EDIL3: variants seen among roughly 807,000 people sequenced by gnomAD.
EDIL3 encodes EGF like and discoidin domains 3, also known as EGF-like repeat and discoidin I-like domain-containing protein 3.
Under a neutral mutation model 67.4 loss-of-function variants are expected in EDIL3, and 37 were observed. The observed-to-expected ratio is 0.55, with a 90% CI of 0.42 to 0.72. EDIL3 has a LOEUF of 0.72. Ranked by LOEUF, EDIL3 falls within the 30% of genes least tolerant of loss-of-function variation. The probability of loss-of-function intolerance (pLI) is 0.00; values close to 1 mark genes in which losing one functional copy is unlikely to be tolerated. For missense variants in EDIL3, 527 were observed against 586.3 expected (o/e 0.90, Z 1.04); for synonymous variants, 195 against 196.3 (o/e 0.99, Z 0.05).
At chr5:84,031,750 T>A (rs1356459257) in intron 9 of EDIL3, among the ~76,000 whole-genome samples, 1 of 152,174 alleles carries the variant, frequency 6.6e-6, no homozygotes, top group Middle Eastern at 3.2e-3. Flanking sequence ...TTTTTTTAAG[T>A]CACCCAGTCT....
intron 4 of EDIL3, 64 bp downstream of exon 4, chr5:84,180,329 T>A: frequency 6.8e-7 from 1 of 1,475,076 alleles, no homozygotes; most frequent in Non-Finnish European, 9.0e-7. Context: ...CAAACAAGAA[T>A]GATGATGGCT....
chr5:84,105,931 C>T (rs1245544593), intron 6 of EDIL3, among the ~76,000 whole-genome samples: 1 of 152,018 alleles, frequency 6.6e-6, no homozygotes, highest in Non-Finnish European at 1.5e-5. Flanking sequence ...CCCTTTAGTA[C>T]ACATCAATGA....
At chr5:84,063,718 C>A (rs766783875) in intron 8 of EDIL3, among the ~76,000 whole-genome samples, 2 of 152,090 alleles carry the variant, frequency 1.3e-5, no homozygotes, top group African/African-American at 2.4e-5. Context: ...ACAGTTGTCT[C>A]TTTGCAGGGA....
At chr5:83,982,906 C>G (rs1045360208) in intron 9 of EDIL3, among the ~76,000 whole-genome samples, 2 of 152,106 alleles carry the variant, frequency 1.3e-5, no homozygotes, top group Non-Finnish European at 2.9e-5. Flanking sequence ...CAAAAGGGCT[C>G]CTGGTAGATG....
chr5:84,263,715 G>A (rs1027526782), intron 1 of EDIL3, among the ~76,000 whole-genome samples: 1 of 152,122 alleles, frequency 6.6e-6, no homozygotes, highest in African/African-American at 2.4e-5. Context: ...GAAATCTAGT[G>A]GGACACATTT....
At chr5:84,274,856 A>C (rs1470921393) in intron 1 of EDIL3, among the ~76,000 whole-genome samples, 1 of 152,122 alleles carries the variant, frequency 6.6e-6, no homozygotes, top group East Asian at 1.9e-4. Context: ...AGAGGTAATA[A>C]TAAAGAATTC....
intron 9 of EDIL3, among the ~76,000 whole-genome samples, chr5:83,992,591 T>C (rs1745169932): frequency 6.6e-6 from 1 of 152,190 alleles, no homozygotes; most frequent in East Asian, 1.9e-4. Context: ...TTATGCTTAT[T>C]ATCATATTAT....
chr5:84,081,730 A>AACCTGT lies in EDIL3; in HGVS notation c.652-15125_652-15124insACAGGT, dbSNP rs1746972711. Reference sequence around the variant, plus strand: ...CTGTACAAAAGCAAACAGCAAAATAATCACCACAAACCTGTTCAACCAAAA... The same window carrying AACCTGT: ...CTGTACAAAAGCAAACAGCAAAATAAACCTGTTCACCACAAACCTGTTCAACCAAAA... On this transcript the variant is annotated intron_variant, in intron 6 of 10. Transcript: ENST00000296591. Among the ~76,000 whole-genome samples, 17 of 152,306 alleles carry AACCTGT rather than the reference A, an allele frequency of 1.1e-4. No individual in the cohort carries two copies. In the South Asian group the frequency reaches 2.9e-3, roughly 26 times the overall value.
chr5:84,329,865 C>A (rs1423397415), intron 1 of EDIL3, among the ~76,000 whole-genome samples: 13 of 151,902 alleles, frequency 8.6e-5, no homozygotes, highest in Admixed American at 8.5e-4. Flanking sequence ...ATCTTCCTTG[C>A]ACAGAAGAAA....
chr5:84,145,716 A>T (rs539645530), intron 4 of EDIL3, among the ~76,000 whole-genome samples: 1 of 152,210 alleles, frequency 6.6e-6, no homozygotes, highest in Admixed American at 6.6e-5. Context: ...TAGACTTCCT[A>T]ATATTTACGG....
chr5:84,057,006 C>T (rs540205076), intron 9 of EDIL3, among the ~76,000 whole-genome samples: 2 of 152,080 alleles, frequency 1.3e-5, no homozygotes, highest in East Asian at 3.9e-4. Context: ...GAGGGGAAAA[C>T]ACTAAAAAAT....
intron 2 of EDIL3, among the ~76,000 whole-genome samples, chr5:84,237,635 A>C (rs1459004702): frequency 6.6e-6 from 1 of 152,196 alleles, no homozygotes; most frequent in Non-Finnish European, 1.5e-5. Context: ...GGTAGAAACA[A>C]AGAAAATAAA....
At chr5:84,268,882 A>G (rs770828645) in intron 1 of EDIL3, among the ~76,000 whole-genome samples, 5 of 152,114 alleles carry the variant, frequency 3.3e-5, no homozygotes, top group Non-Finnish European at 5.9e-5. Flanking sequence ...ATTCTCTATC[A>G]TCCCATATCC....
chr5:83,972,344 C>T (rs1053086896), intron 9 of EDIL3, among the ~76,000 whole-genome samples: 1 of 152,000 alleles, frequency 6.6e-6, no homozygotes, highest in African/African-American at 2.4e-5. Flanking sequence ...TGAGTCTTGG[C>T]CACTGCTGCC....
intron 2 of EDIL3, among the ~76,000 whole-genome samples, chr5:84,245,459 A>C (rs1580395943): frequency 6.6e-6 from 1 of 152,298 alleles, no homozygotes; most frequent in Non-Finnish European, 1.5e-5. Context: ...ACTGCTTAAA[A>C]GTTAATGTTT....
intron 1 of EDIL3, among the ~76,000 whole-genome samples, chr5:84,287,014 A>G (rs1412275131): frequency 1.3e-5 from 2 of 152,186 alleles, no homozygotes; most frequent in Admixed American, 6.5e-5. Flanking sequence ...TCTTCTAAAA[A>G]CAATCCTCTA....
At chr5:84,253,090 A>G (rs1211631329) in intron 2 of EDIL3, among the ~76,000 whole-genome samples, 1 of 152,154 alleles carries the variant, frequency 6.6e-6, no homozygotes, top group Non-Finnish European at 1.5e-5. Flanking sequence ...CATTCAACCA[A>G]TAGTTACTGG....
intron 5 of EDIL3, among the ~76,000 whole-genome samples, chr5:84,115,056 C>T (rs1488634265): frequency 6.6e-6 from 1 of 152,088 alleles, no homozygotes; most frequent in Non-Finnish European, 1.5e-5. Context: ...CAAATCATTG[C>T]TTTTTGGAAT....
chr5:84,124,322 T>C (rs747214316), intron 5 of EDIL3, among the ~76,000 whole-genome samples: 2 of 151,984 alleles, frequency 1.3e-5, no homozygotes, highest in Non-Finnish European at 2.9e-5. Context: ...GTATGTTACA[T>C]GTGTCGATTT....
Sources: gnomAD v4.1 joint callset for allele counts (sites outside exome capture counted in the v4.1 genomes callset) on GRCh38, gnomAD v4.1.1 for gene constraint, MANE v1.5 for transcripts, NCBI Gene and HGNC (gene_info 2026-07-23, HGNC 2026-07-21) for gene names.